Variants in STARD13 observed in about 807,000 individuals in gnomAD.
STARD13 encodes StAR related lipid transfer domain containing 13, also known as stAR-related lipid transfer protein 13.
A neutral mutation model predicts 106.4 loss-of-function variants in STARD13; 62 were observed. The ratio of observed to expected loss-of-function variants is 0.58; its 90% CI spans 0.48 to 0.72. STARD13 has a LOEUF of 0.72. Ranked by LOEUF, STARD13 falls within the 30% of genes least tolerant of loss-of-function variation. The pLI is 0.00. For missense variants in STARD13, 1,387 were observed against 1,424.0 expected, an observed-to-expected ratio of 0.97 and a Z score of 0.42; for synonymous variants, 565 against 553.0, an observed-to-expected ratio of 1.02 and a Z score of -0.31.
intron 1 of STARD13, among the ~76,000 whole-genome samples, chr13:33,239,185 C>T (rs900605573): frequency 3.3e-5 from 5 of 152,090 alleles, no homozygotes; most frequent in South Asian, 2.1e-4. Flanking sequence ...GGCTCACACA[C>T]GTTGTAGCAT....
intron 3 of STARD13, among the ~76,000 whole-genome samples, chr13:33,159,570 G>T (rs1475388715): frequency 6.6e-6 from 1 of 152,102 alleles, no homozygotes; most frequent in African/African-American, 2.4e-5. Context: ...TTTTATTCTT[G>T]GTTTAAAATG....
chr13:33,507,908 G>A, the STARD13 span, among the ~76,000 whole-genome samples: 1 of 152,040 alleles, frequency 6.6e-6, no homozygotes, highest in Non-Finnish European at 1.5e-5. Context: ...AGTAAGCTGA[G>A]GAGGAGGAGG....
chr13:33,443,972 AT>A, the STARD13 span, among the ~76,000 whole-genome samples: 1,364 of 151,802 alleles, frequency 9.0e-3, 22 homozygotes, highest in African/African-American at 0.032. Context: ...AACTGCTCCT[AT>A]TGGGGGGATA....
At chr13:33,585,558 G>A in the STARD13 span, among the ~76,000 whole-genome samples, 1 of 152,130 alleles carries the variant, frequency 6.6e-6, no homozygotes, top group Non-Finnish European at 1.5e-5. Context: ...GCAAGGTGTG[G>A]TGGTACATGC....
chr13:33,438,235 T>C, the STARD13 span, among the ~76,000 whole-genome samples: 1 of 152,238 alleles, frequency 6.6e-6, no homozygotes, highest in Non-Finnish European at 1.5e-5. Context: ...ACTTTGATTG[T>C]CTAAAAGCTT....
intron 1 of STARD13, among the ~76,000 whole-genome samples, chr13:33,331,526 A>ATTT (rs35827468): frequency 8.4e-5 from 11 of 130,810 alleles, no homozygotes; most frequent in African/African-American, 3.1e-4. Context: ...CTGATTTTGT[A>ATTT]TTTTTTTTTT....
chr13:33,127,792 ATAT>A (rs1181223506), intron 5 of STARD13, among the ~76,000 whole-genome samples: 1 of 151,200 alleles, frequency 6.6e-6, no homozygotes, highest in African/African-American at 2.4e-5. Context: ...GATAGAGGAA[ATAT>A]TATGTTTGTT....
chr13:33,546,667 A>G, the STARD13 span, among the ~76,000 whole-genome samples: 4 of 150,366 alleles, frequency 2.7e-5, no homozygotes, highest in Admixed American at 1.3e-4. Flanking sequence ...TTTTTTTGAG[A>G]CAGTCTCACT....
chr13:33,108,321 C>A (rs1311764002), intron 12 of STARD13, among the ~76,000 whole-genome samples: 1 of 152,140 alleles, frequency 6.6e-6, no homozygotes, highest in African/African-American at 2.4e-5. Flanking sequence ...ATAAGGAATT[C>A]CTGTTGTTGG....
the STARD13 span, among the ~76,000 whole-genome samples, chr13:33,655,865 A>C: frequency 3.3e-5 from 5 of 152,200 alleles, no homozygotes; most frequent in African/African-American, 1.2e-4. Context: ...TGAAATCCTC[A>C]GGGAAATACT....
intron 1 of STARD13, among the ~76,000 whole-genome samples, chr13:33,222,695 C>T (rs1288015728): frequency 6.6e-6 from 1 of 152,300 alleles, no homozygotes; most frequent in African/African-American, 2.4e-5. Flanking sequence ...CTTCACAGCC[C>T]TCTATGTTAG....
At chr13:33,625,444 C>A in the STARD13 span, among the ~76,000 whole-genome samples, 1 of 151,752 alleles carries the variant, frequency 6.6e-6, no homozygotes, top group African/African-American at 2.4e-5. Flanking sequence ...GTGGCACACG[C>A]CTGTAGTCCC....
the STARD13 span, among the ~76,000 whole-genome samples, chr13:33,579,988 G>A: frequency 6.6e-6 from 1 of 152,020 alleles, no homozygotes; most frequent in Admixed American, 6.6e-5. Context: ...TAGCTGCTTG[G>A]GAATGCAGTC....
At chr13:33,562,839 A>T in the STARD13 span, among the ~76,000 whole-genome samples, 2 of 147,228 alleles carry the variant, frequency 1.4e-5, 1 homozygote, top group South Asian at 4.3e-4. Context: ...TTGAGGGGGA[A>T]AAAGAAAACA....
At chr13:33,347,818 G>T (rs1418995063), downstream of STARD13, among the ~76,000 whole-genome samples, 2 of 152,138 alleles carry the variant, frequency 1.3e-5, no homozygotes, top group Non-Finnish European at 2.9e-5. Flanking sequence ...GCGTGCTGTG[G>T]TTGGTTATTC....
At chr13:33,250,826 T>G (rs535317584) in intron 1 of STARD13, among the ~76,000 whole-genome samples, 41 of 152,354 alleles carry the variant, frequency 2.7e-4, no homozygotes, top group Non-Finnish European at 4.6e-4. Flanking sequence ...AGTCTCTATT[T>G]GAACACACAT....
chr13:33,499,602 T>TC, the STARD13 span, among the ~76,000 whole-genome samples: 149 of 68,244 alleles, frequency 2.2e-3, 6 homozygotes, highest in African/African-American at 5.8e-3. Flanking sequence ...TTCTTCTTCT[T>TC]CTTTCTTCTT....
intron 1 of STARD13, among the ~76,000 whole-genome samples, chr13:33,189,669 C>G (rs1886098708): frequency 2.0e-5 from 3 of 151,736 alleles, no homozygotes; most frequent in Admixed American, 6.6e-5. Flanking sequence ...GGGACAGGGC[C>G]CAGTTCACAG....
the STARD13 span, among the ~76,000 whole-genome samples, chr13:33,503,543 A>G: frequency 6.6e-6 from 1 of 152,172 alleles, no homozygotes; most frequent in Admixed American, 6.5e-5. Context: ...CCCTCTACAC[A>G]CTGCTTTAAA....
Sources: allele counts gnomAD v4.1 joint callset (sites outside exome capture counted in the v4.1 genomes callset), GRCh38; gene constraint gnomAD v4.1.1; transcripts MANE v1.5; gene names NCBI Gene and HGNC (gene_info 2026-07-23, HGNC 2026-07-21).